KAT2B: variants seen among roughly 807,000 people sequenced by gnomAD.
KAT2B encodes histone acetyltransferase KAT2B.
In KAT2B, 36 loss-of-function variants were observed where a neutral mutation model predicts 105.9. The ratio of observed to expected loss-of-function variants is 0.34; its 90% confidence interval spans 0.26 to 0.45. KAT2B has a LOEUF of 0.45. KAT2B is among the 20% of genes least tolerant of loss of function. The pLI, the probability that KAT2B is intolerant of heterozygous loss-of-function variation, is 1.00. For synonymous variants in KAT2B, 397 were observed against 377.9 expected, an observed-to-expected ratio of 1.05 and a Z score of -0.59; for missense variants, 820 against 1,021.6, an observed-to-expected ratio of 0.80 and a Z score of 2.69.
intron 5 of KAT2B, among the ~76,000 whole-genome samples, chr3:20,105,238 A>G (rs557192329): frequency 6.6e-6 from 1 of 152,180 alleles, no homozygotes; most frequent in Non-Finnish European, 1.5e-5. Flanking sequence ...TACTCCCAGG[A>G]GCAATTGTGG....
chr3:20,132,312 G>A (rs1199342976), intron 11 of KAT2B, among the ~76,000 whole-genome samples: 2 of 152,214 alleles, frequency 1.3e-5, no homozygotes, highest in African/African-American at 4.8e-5. Flanking sequence ...AGTGGAGGTT[G>A]CGGTGAGCCA....
At chr3:20,048,654 G>A (rs1032390514) in intron 1 of KAT2B, among the ~76,000 whole-genome samples, 1 of 152,124 alleles carries the variant, frequency 6.6e-6, no homozygotes, top group Non-Finnish European at 1.5e-5. Context: ...GATTTTCAAG[G>A]CTCAGTGGCT....
chr3:20,125,771 A>C, intron 9 of KAT2B, 134 bp from the exon 10 acceptor site: 1 of 677,090 alleles, frequency 1.5e-6, no homozygotes, highest in South Asian at 1.9e-5. Flanking sequence ...GTGTGCACAC[A>C]TGTGTATTTA....
In KAT2B at chr3:20,040,706, G is replaced by A; in HGVS notation, c.229G>A (p.Val77Met). Residue 77 changes from valine to methionine, a missense_variant, in exon 1 of 18, where the codon GTG (valine) becomes ATG (methionine). Transcript: ENST00000263754. Reference sequence around the variant, plus strand: ...AGGCGGTGGCTCGGCCCGAATCGCCGTGAAGAAAGCGCAACTACGCTCCGC... The same window carrying A: ...AGGCGGTGGCTCGGCCCGAATCGCCATGAAGAAAGCGCAACTACGCTCCGC... The part of the protein sequence containing the change: ...PGGGGSARIA[V>M]KKAQLRSAPR... The A allele has an allele frequency of 6.3e-7, 1 of 1,589,054 alleles. No homozygotes were observed. Among genetic ancestry groups the A allele is most frequent in the South Asian group, 1.1e-5 (1 of 90,238 alleles).
At chr3:20,055,683 G>A (rs1473893896) in intron 1 of KAT2B, among the ~76,000 whole-genome samples, 2 of 151,980 alleles carry the variant, frequency 1.3e-5, no homozygotes, top group Admixed American at 1.3e-4. Flanking sequence ...ATAAATGGGG[G>A]CCAGATTGCC....
rs1188171744 is a variant in KAT2B at position 20,045,329 on chromosome 3, T to G, written c.303+4549T>G. On this transcript the variant is annotated intron_variant, in intron 1 of 17. Transcript: ENST00000263754. ...CACTGCACCTGGCCTATTTATTTATTTATTTATTTATTTATTTATTTATTT... is the reference window on the plus strand; with the variant it reads ...CACTGCACCTGGCCTATTTATTTATGTATTTATTTATTTATTTATTTATTT... 6.7e-5 allele frequency among the ~76,000 whole-genome samples: 7 copies of G among 104,096 alleles called. No individual in the cohort carries two copies. In the East Asian group the frequency reaches 1.6e-3, roughly 23 times the overall value. 68.3% of individuals were successfully genotyped at this position (104,096 alleles called of 152,430 possible).
In KAT2B at chr3:20,153,040, ATT is replaced by A. The variant is rs1238031830; in HGVS notation, c.*520_*521del. The stretch of plus-strand genomic sequence containing the variant: ...GTCTCTTTATAGACTTTTTATATAT[ATT>A]TTTTAAAACACTCATCTAGATGAGG... On this transcript the variant is annotated 3_prime_UTR_variant, in exon 18 of 18. Transcript: ENST00000263754. 6.6e-6 allele frequency: 1 copy of A among 152,546 alleles called. No individual in the cohort carries two copies. The highest frequency in any genetic ancestry group is 2.1e-4 in the South Asian group (1 of 4,826). 9.4% of individuals were successfully genotyped at this position (152,546 alleles called of 1,614,324 possible). A position where few individuals can be genotyped will look rare whatever the true frequency, so the allele number is the denominator to read the frequency against.
chr3:20,099,869 GA>G lies in KAT2B; in HGVS notation c.587del (p.Lys196SerfsTer30). 6.3e-7 allele frequency: 1 copy of G among 1,575,504 alleles called. No individual in the cohort carries two copies. Among genetic ancestry groups the G allele is most frequent in the Non-Finnish European group, 8.7e-7 (1 of 1,153,392 alleles). ...TTAATGATTTCTTTGCAGCTCTTGA[GA>G]AAGTCTATTTTACAAAGAGGAAAAC... ...QVYFYLFKLLRKSILQRGKPV... is the reference protein window; with the variant it reads ...QVYFYLFKLLXKSILQRGKPV... On this transcript the variant is annotated frameshift_variant, in exon 4 of 18. Coordinates refer to ENST00000263754, the MANE Select transcript of KAT2B (RefSeq NM_003884.5). LOFTEE classifies it high-confidence loss of function.
intron 13 of KAT2B, among the ~76,000 whole-genome samples, chr3:20,143,423 C>T (rs984321345): frequency 1.3e-5 from 2 of 152,120 alleles, no homozygotes; most frequent in African/African-American, 2.4e-5. Context: ...AATGCTTATA[C>T]ACTCTTGGTG....
chr3:20,064,882 A>G (rs756118685), intron 1 of KAT2B, among the ~76,000 whole-genome samples: 15 of 152,220 alleles, frequency 9.9e-5, no homozygotes, highest in Non-Finnish European at 1.5e-4. Context: ...TATTTTAAGC[A>G]TGACAGAATT....
chr3:20,054,371 C>A (rs550994419), intron 1 of KAT2B, among the ~76,000 whole-genome samples: 3 of 151,868 alleles, frequency 2.0e-5, no homozygotes, highest in African/African-American at 7.3e-5. Flanking sequence ...TCGTGATCCA[C>A]CCTCATCGGC....
Position 20,152,763 on chromosome 3 carries a change from A to G in KAT2B, c.*238A>G, listed in dbSNP as rs41276509. ...TAATCTATTTACTACTATTAAGGTA[A>G]ATTTTCTATGGCATGTCCATTAGCT... On this transcript the variant is annotated 3_prime_UTR_variant, in exon 18 of 18. Transcript: ENST00000263754. 0.2 allele frequency: 57,468 copies of G among 291,856 alleles called. 6,652 individuals carry two copies. The highest frequency in any genetic ancestry group is 0.39 in the East Asian group (7,097 of 18,088). The allele number at this position is 291,856 out of a possible 1,614,324, so 18.1% of individuals were successfully genotyped here.
At chr3:20,060,373 G>A (rs1353254544) in intron 1 of KAT2B, among the ~76,000 whole-genome samples, 3 of 152,118 alleles carry the variant, frequency 2.0e-5, no homozygotes, top group South Asian at 2.1e-4. Context: ...AGGCCAAGGC[G>A]GGCGGATCAC....
intron 6 of KAT2B, among the ~76,000 whole-genome samples, chr3:20,113,572 A>G (rs564337362): frequency 1.3e-5 from 2 of 152,308 alleles, no homozygotes; most frequent in South Asian, 2.1e-4. Flanking sequence ...ACTACCACCC[A>G]CTTCTCCTTT....
At chr3:20,046,171 C>T (rs1168727178) in intron 1 of KAT2B, among the ~76,000 whole-genome samples, 1 of 152,180 alleles carries the variant, frequency 6.6e-6, no homozygotes, top group African/African-American at 2.4e-5. Flanking sequence ...GTGCTTTACT[C>T]GTATATCAGA....
chr3:20,143,388 G>A (rs952666694), intron 13 of KAT2B, among the ~76,000 whole-genome samples: 3 of 152,018 alleles, frequency 2.0e-5, no homozygotes, highest in Non-Finnish European at 2.9e-5. Flanking sequence ...AATAACAGAT[G>A]TTGGCAAAGC....
chr3:20,142,173 C>T (rs551130973), intron 13 of KAT2B, among the ~76,000 whole-genome samples: 98 of 152,258 alleles, frequency 6.4e-4, no homozygotes, highest in Non-Finnish European at 9.1e-4. Flanking sequence ...TACAGGGGAA[C>T]GCCAGAAGCG....
chr3:20,126,437 T>C (rs533496528), intron 10 of KAT2B, among the ~76,000 whole-genome samples: 1 of 152,150 alleles, frequency 6.6e-6, no homozygotes, highest in East Asian at 1.9e-4. Flanking sequence ...GGTTTTGGTA[T>C]CTTAACTAGG....
intron 5 of KAT2B, among the ~76,000 whole-genome samples, chr3:20,108,832 A>AT (rs1330486304): frequency 6.6e-6 from 1 of 152,308 alleles, no homozygotes; most frequent in East Asian, 1.9e-4. Context: ...CCTGAACTCT[A>AT]TTGTGAACTG....
Sources: allele counts gnomAD v4.1 joint callset (sites outside exome capture counted in the v4.1 genomes callset), GRCh38; gene constraint gnomAD v4.1.1; transcripts MANE v1.5; gene names NCBI Gene and HGNC (gene_info 2026-07-23, HGNC 2026-07-21).